The following NANOG variants were observed in gnomAD, a reference collection of about 807,000 sequenced individuals.
NANOG encodes the protein homeobox protein NANOG.
In NANOG, 2 loss-of-function variants were observed where a neutral mutation model predicts 17.7. The observed-to-expected ratio is 0.11, with a 90% CI of 0.05 to 0.36. The LOEUF (loss-of-function observed/expected upper bound fraction) is 0.36. Among genes scored for constraint, NANOG ranks in the 10% least tolerant of loss-of-function variants. NANOG has a pLI of 1.00. For synonymous variants in NANOG, 81 were observed against 124.7 expected, an observed-to-expected ratio of 0.65 and a Z score of 2.33; for missense variants, 174 against 362.1, an observed-to-expected ratio of 0.48 and a Z score of 4.22.
chr12:7,792,627 G>A (rs886642502), intron 1 of NANOG, among the ~76,000 whole-genome samples: 2 of 152,046 alleles, frequency 1.3e-5, no homozygotes, highest in African/African-American at 4.8e-5. Context: ...TTGCACCATC[G>A]CACTTCAGCC....
At chr12:7,792,097 T>C (rs920869907) in intron 1 of NANOG, among the ~76,000 whole-genome samples, 34 of 152,184 alleles carry the variant, frequency 2.2e-4, no homozygotes, top group African/African-American at 7.5e-4. Context: ...GGTTTCACCA[T>C]GTTGGCACGC....
chr12:7,791,072 A>G (rs1234495417), intron 1 of NANOG, among the ~76,000 whole-genome samples: 1 of 151,022 alleles, frequency 6.6e-6, no homozygotes, highest in Non-Finnish European at 1.5e-5. Flanking sequence ...TAAACTATGC[A>G]TTAATGTTCT....
chr12:7,795,835 A>G lies in NANOG; in HGVS notation c.*740A>G, dbSNP rs1287939248. ...GAGGTAAAGGGTTAAGCTGTAACAT[A>G]CTTAATTGATTTCTTACCGTTTTTG... On this transcript the variant is annotated 3_prime_UTR_variant, in exon 4 of 4. Coordinates refer to ENST00000229307, the MANE Select transcript of NANOG (RefSeq NM_024865.4). 6.8e-6 allele frequency: 1 copy of G among 147,274 alleles called. No homozygotes were observed. Among genetic ancestry groups the G allele is most frequent in the Non-Finnish European group, 1.5e-5 (1 of 66,982 alleles). The allele number at this position is 147,274 out of a possible 1,614,324, so 9.1% of individuals were successfully genotyped here. A position where few individuals can be genotyped will look rare whatever the true frequency, so the allele number is the denominator to read the frequency against.
rs982964805 is a variant in NANOG, at chr12:7,797,991, C to T, written c.*2896C>T. 9 of 151,522 alleles carry T rather than the reference C, an allele frequency of 5.9e-5. No homozygotes were observed. Among genetic ancestry groups the T allele is most frequent in the African/African-American group, 2.2e-4 (9 of 41,110 alleles). The allele number at this position is 151,522 out of a possible 1,614,324, so 9.4% of individuals were successfully genotyped here. A position where few individuals can be genotyped will look rare whatever the true frequency, so the allele number is the denominator to read the frequency against. ...CTGAACTTTTTTTTTTTTAATCACC[C>T]AGTATTAATCTTCAACCTCTTGGCA... On this transcript the variant is annotated 3_prime_UTR_variant, in exon 4 of 4. Transcript: ENST00000229307.
intron 2 of NANOG, among the ~76,000 whole-genome samples, chr12:7,794,191 A>AGGAGGCTGGTCCCTT (rs2120572338): frequency 6.6e-6 from 1 of 152,262 alleles, no homozygotes; most frequent in Admixed American, 6.5e-5. Context: ...CTCCCGTCTC[A>AGGAGGCTGGTCCCTT]GCCTCCTGAG....
rs771687755 is a variant in NANOG, at chr12:7,793,031, C to G, written c.233C>G (p.Thr78Ser). ...SSTSPKGKQP[T>S]SAEKSVAKKE... is the part of the protein sequence containing the mutation. ...ACCAGTCCCAAAGGCAAACAACCCA[C>G]TTCTGCAGAGAAGAGTGTCGCAAAA... Residue 78 changes from threonine (T) to serine (S), a missense_variant, in exon 2 of 4, where the codon ACT becomes AGT. Thr to Ser is a moderately conservative substitution (Grantham distance 58). Around this residue, in one of 2 missense-constraint regions of NANOG, gnomAD observed 158 missense variants for 244.2 expected, o/e 0.65. Transcript: ENST00000229307. 5 of 1,609,456 alleles carry G rather than the reference C, an allele frequency of 3.1e-6. No homozygotes were observed. The highest frequency in any genetic ancestry group is 4.2e-6 in the Non-Finnish European group (5 of 1,176,600).
chr12:7,795,544 A>G lies in NANOG; in HGVS notation c.*449A>G, dbSNP rs1344879455. 1.2e-5 allele frequency: 1 copy of G among 83,864 alleles called. No homozygotes were observed. Among genetic ancestry groups the G allele is most frequent in the East Asian group, 2.1e-4 (1 of 4,808 alleles). 5.2% of individuals were successfully genotyped at this position (83,864 alleles called of 1,614,324 possible). ...CACTGTGTTAGCCAGGATGGTCTCG[A>G]TCTCCTGACCTTGTGATCCACCCGC... On this transcript the variant is annotated 3_prime_UTR_variant, in exon 4 of 4. Transcript: ENST00000229307.
rs758002314 is a variant in NANOG, at chr12:7,793,217, G to C, written c.414+5G>C. 6 of 1,613,648 alleles carry C rather than the reference G, an allele frequency of 3.7e-6. No individual in the cohort carries two copies. Among genetic ancestry groups the C allele is most frequent in the Non-Finnish European group, 4.2e-6 (5 of 1,179,788 alleles). ...CTGAACCTCAGCTACAAACAGGTAGGCTTGTTTTGTCCTTGGAATAAGGTG... is the reference window on the plus strand; with the variant it reads ...CTGAACCTCAGCTACAAACAGGTAGCCTTGTTTTGTCCTTGGAATAAGGTG... On this transcript the variant is annotated splice_donor_5th_base_variant and intron_variant, in intron 2 of 3. Transcript: ENST00000229307.
At chr12:7,792,599 G>A (rs759203050) in intron 1 of NANOG, among the ~76,000 whole-genome samples, 8 of 152,262 alleles carry the variant, frequency 5.3e-5, no homozygotes, top group African/African-American at 1.9e-4. Flanking sequence ...AGGAGATGGA[G>A]GTTGCAGTGA....
Position 7,792,975 on chromosome 12 carries a change from T to G in NANOG, c.177T>G (p.Asp59Glu), listed in dbSNP as rs752606802. Residue 59 changes from aspartate to glutamate, a missense_variant, in exon 2 of 4, where the codon GAT (aspartate) becomes GAG (glutamate). Around this residue, in one of 2 missense-constraint regions of NANOG, gnomAD observed 158 missense variants for 244.2 expected, o/e 0.65. Coordinates refer to ENST00000229307, the MANE Select transcript of NANOG (RefSeq NM_024865.4). ...ETVSPLPSSM[D>E]LLIQDSPDSS... Reference sequence around the variant, plus strand: ...TCTCTCCTCTTCCTTCCTCCATGGATCTGCTTATTCAGGACAGCCCTGATT... The same window carrying G: ...TCTCTCCTCTTCCTTCCTCCATGGAGCTGCTTATTCAGGACAGCCCTGATT... 6.2e-7 allele frequency: 1 copy of G among 1,608,036 alleles called. No homozygotes were observed. Among genetic ancestry groups the G allele is most frequent in the Non-Finnish European group, 8.5e-7 (1 of 1,177,148 alleles).
rs145906125 is a variant in NANOG at position 7,793,113 on chromosome 12, C to T, written c.315C>T (p.Thr105=). 9.8e-5 allele frequency: 157 copies of T among 1,608,390 alleles called. 1 individual carries two copies. Among genetic ancestry groups the T allele is most frequent in the Non-Finnish European group, 7.7e-6 (9 of 1,174,742 alleles). Residue 105 remains threonine, a synonymous_variant, in exon 2 of 4, where the codon ACC becomes ACT. Transcript: ENST00000229307. The part of the protein sequence containing the change: ...KQKTRTVFSS[T]QLCVLNDRFQ... Reference sequence around the variant, plus strand: ...AGACCAGAACTGTGTTCTCTTCCACCCAGCTGTGTGTACTCAATGATAGAT... The same window carrying T: ...AGACCAGAACTGTGTTCTCTTCCACTCAGCTGTGTGTACTCAATGATAGAT...
intron 2 of NANOG, 147 bp from the exon 3 acceptor site, chr12:7,794,310 C>A: frequency 1.4e-6 from 1 of 694,748 alleles, no homozygotes; most frequent in Non-Finnish European, 2.4e-6. Flanking sequence ...TGGGCTCAAG[C>A]AATCTGCCCG....
chr12:7,792,822 A>G lies in NANOG; in HGVS notation c.152-128A>G, dbSNP rs754706864. On this transcript the variant is annotated intron_variant, in intron 1 of 3. Transcript: ENST00000229307. ...CCAAAGTGCCAGGGCTGCTTAAGAA[A>G]TTGCTTCTTATTACTTAGATCTGGG... 143 of 947,972 alleles carry G rather than the reference A, an allele frequency of 1.5e-4. No homozygotes were observed. The African/African-American group carries it at 2.3e-3, about 15-fold the overall frequency. 58.7% of individuals were successfully genotyped at this position (947,972 alleles called of 1,614,324 possible).
chr12:7,797,655 C>A lies in NANOG; in HGVS notation c.*2560C>A, dbSNP rs1011450003. On this transcript the variant is annotated 3_prime_UTR_variant, in exon 4 of 4. Coordinates refer to ENST00000229307, the MANE Select transcript of NANOG (RefSeq NM_024865.4). ...TACAGGCATGAGCCACAGTGCCCAGCCTTCTTTTTTATTTTTTTAAGACGG... is the reference window on the plus strand; with the variant it reads ...TACAGGCATGAGCCACAGTGCCCAGACTTCTTTTTTATTTTTTTAAGACGG... 2 of 152,188 alleles carry A rather than the reference C, an allele frequency of 1.3e-5. No individual in the cohort carries two copies. The highest frequency in any genetic ancestry group is 4.8e-5 in the African/African-American group (2 of 41,422). The allele number at this position is 152,188 out of a possible 1,614,324, so 9.4% of individuals were successfully genotyped here.
intron 1 of NANOG, among the ~76,000 whole-genome samples, chr12:7,790,499 C>G (rs1862824791): frequency 6.6e-6 from 1 of 152,098 alleles, no homozygotes; most frequent in Non-Finnish European, 1.5e-5. Flanking sequence ...CTGGTAGCTG[C>G]AAGGGGTGGG....
At position 7,798,172 on chromosome 12, in the gene NANOG, T is replaced by C. The variant is rs11055829; in HGVS notation, c.*3077T>C. On this transcript the variant is annotated 3_prime_UTR_variant, in exon 4 of 4. Transcript: ENST00000229307. ...CAGGTGGATCACCTGAGGTCAGGAG[T>C]TCAAGTTTAGCATGGCCAATATGGC... The C allele has an allele frequency of 0.079, 12,065 of 151,850 alleles. 892 individuals carry two copies. Among genetic ancestry groups the C allele is most frequent in the East Asian group, 0.21 (1,081 of 5,154 alleles). 9.4% of individuals were successfully genotyped at this position (151,850 alleles called of 1,614,324 possible).
At chr12:7,790,954 G>A (rs372430997) in intron 1 of NANOG, among the ~76,000 whole-genome samples, 2 of 151,836 alleles carry the variant, frequency 1.3e-5, no homozygotes, top group Non-Finnish European at 2.9e-5. Flanking sequence ...TTTGCAGCTC[G>A]GGCTGGTCTT....
chr12:7,793,260 T>A (rs1226871041), intron 2 of NANOG, 48 bp downstream of exon 2: 1 of 1,590,164 alleles, frequency 6.3e-7, no homozygotes, highest in Non-Finnish European at 8.6e-7. Context: ...ATTGGACTAA[T>A]TTGCATGGCT....
chr12:7,789,666 G>C lies in NANOG; in HGVS notation c.52G>C (p.Asp18His), dbSNP rs778249718. The change falls in exon 1 of 4, where the codon GAC (aspartate) becomes CAC (histidine). Residue 18 changes from aspartate (D) to histidine (H), a missense_variant. By Grantham distance (81) the Asp-to-His change is moderately conservative. Around this residue, in one of 2 missense-constraint regions of NANOG, gnomAD observed 158 missense variants for 244.2 expected, o/e 0.65. Coordinates refer to ENST00000229307, the MANE Select transcript of NANOG (RefSeq NM_024865.4). ...AAGCTTGCCTTGCTTTGAAGCATCC[G>C]ACTGTAAAGAATCTTCACCTATGCC... Reference protein sequence around the residue: ...PQSLPCFEASDCKESSPMPVI... With the variant: ...PQSLPCFEASHCKESSPMPVI... The C allele has an allele frequency of 6.2e-7, 1 of 1,614,194 alleles. No individual in the cohort carries two copies. The highest frequency in any genetic ancestry group is 1.1e-5 in the South Asian group (1 of 91,088).
Sources: gnomAD v4.1 joint callset for allele counts (sites outside exome capture counted in the v4.1 genomes callset) on GRCh38, gnomAD v4.1.1 for gene constraint, gnomAD v4.1.1 regional missense constraint, MANE v1.5 for transcripts, NCBI Gene and HGNC (gene_info 2026-07-23, HGNC 2026-07-21) for gene names.